PTBP3: variants seen among roughly 807,000 people sequenced by gnomAD.
PTBP3 encodes polypyrimidine tract binding protein 3.
Under a neutral mutation model 58.7 loss-of-function variants are expected in PTBP3, and 20 were observed. That is an observed-to-expected ratio of 0.34 (90% confidence interval 0.24 to 0.50). The LOEUF is 0.50. PTBP3 is among the 20% of genes least tolerant of loss of function. PTBP3 has a pLI of 0.98. For missense variants in PTBP3, 509 were observed against 637.2 expected (o/e 0.80, Z 2.17); for synonymous variants, 185 against 219.8 (o/e 0.84, Z 1.40).
intron 3 of PTBP3, among the ~76,000 whole-genome samples, chr9:112,272,086 T>C (rs912258239): frequency 1.3e-5 from 2 of 152,120 alleles, no homozygotes; most frequent in Admixed American, 1.3e-4. Flanking sequence ...TTTATTTTTT[T>C]TTTGAGACAG....
At chr9:112,363,549 CA>C in the PTBP3 span, among the ~76,000 whole-genome samples, 1 of 125,322 alleles carries the variant, frequency 8.0e-6, no homozygotes. Context: ...CACACACACA[CA>C]CACACACACA....
chr9:112,232,876 C>T (rs1424080775), intron 8 of PTBP3, among the ~76,000 whole-genome samples: 1 of 152,114 alleles, frequency 6.6e-6, no homozygotes, highest in East Asian at 1.9e-4. Flanking sequence ...ATACTTAAAA[C>T]AGCACACTTT....
chr9:112,228,891 C>A (rs1295539949), intron 10 of PTBP3, among the ~76,000 whole-genome samples: 1 of 152,160 alleles, frequency 6.6e-6, no homozygotes, highest in Non-Finnish European at 1.5e-5. Context: ...TATTTGTCCA[C>A]CTCTCCCAAT....
Position 112,287,483 on chromosome 9 carries a change from G to A in PTBP3, c.34+10349C>T, listed in dbSNP as rs543612595. On this transcript the variant is annotated intron_variant, in intron 2 of 13. Coordinates refer to ENST00000374257, the MANE Select transcript of PTBP3 (RefSeq NM_001163788.4). ...AGCCTCCCAAGCAGCTGAGATTACC[G>A]GTGCACACCACCACGCCCGGCTAAT... is the stretch of plus-strand genomic sequence containing the variant. Among the ~76,000 whole-genome samples, 8 of 151,626 alleles carry A rather than the reference G, an allele frequency of 5.3e-5. No homozygotes were observed. In the East Asian group the frequency reaches 7.8e-4, roughly 15 times the overall value.
Position 112,245,372 on chromosome 9 carries a change from G to A in PTBP3, c.802+5557C>T, listed in dbSNP as rs116537957. ...TTTGCAATTCCGAAACCACTTCTGT[G>A]TAATCTAAGATTGAGCAAATAAGTA... On this transcript the variant is annotated intron_variant, in intron 7 of 13. Transcript: ENST00000374257. Among the ~76,000 whole-genome samples the A allele has an allele frequency of 7.8e-3, 1,192 of 152,268 alleles. 21 individuals are homozygous for A. The highest frequency in any genetic ancestry group is 0.027 in the African/African-American group (1,108 of 41,544).
intron 1 of PTBP3, among the ~76,000 whole-genome samples, chr9:112,307,811 G>C (rs190787131): frequency 7.9e-5 from 12 of 152,328 alleles, no homozygotes; most frequent in Admixed American, 7.8e-4. Flanking sequence ...GAGGAAAACA[G>C]AGTTATTAGT....
At chr9:112,241,717 A>G (rs1835667746) in intron 7 of PTBP3, among the ~76,000 whole-genome samples, 1 of 152,228 alleles carries the variant, frequency 6.6e-6, no homozygotes, top group African/African-American at 2.4e-5. Context: ...ACATGACTGT[A>G]TATTTAAAGC....
chr9:112,248,509 TAAAAC>T (rs1350608060), intron 7 of PTBP3, among the ~76,000 whole-genome samples: 1 of 151,896 alleles, frequency 6.6e-6, no homozygotes, highest in Non-Finnish European at 1.5e-5. Flanking sequence ...AATAAATAAA[TAAAAC>T]AAAATGTATG....
chr9:112,277,946 T>TAACATAACATAAC (rs1564427648), intron 2 of PTBP3, among the ~76,000 whole-genome samples: 4 of 58,206 alleles, frequency 6.9e-5, no homozygotes, highest in East Asian at 4.4e-4. Flanking sequence ...CATAACATAA[T>TAACATAACATAAC]ATAACATAAC....
intron 12 of PTBP3, 90 bp downstream of exon 12, chr9:112,227,321 T>C (rs1172003924): frequency 7.2e-7 from 1 of 1,388,274 alleles, no homozygotes; most frequent in Admixed American, 1.7e-5. Context: ...ACTGCTAGGT[T>C]AGAACAATTT....
intron 5 of PTBP3, among the ~76,000 whole-genome samples, chr9:112,253,249 C>A (rs191842800): frequency 1.2e-4 from 19 of 152,248 alleles, no homozygotes; most frequent in African/African-American, 4.6e-4. Context: ...AAAGTCTATG[C>A]CCACATGCAG....
chr9:112,220,002 T>TTAC lies in PTBP3; in HGVS notation c.*3848_*3849insGTA. The TTAC allele has an allele frequency of 1.1e-6, 1 of 874,952 alleles. No individual in the cohort carries two copies. The highest frequency in any genetic ancestry group is 1.5e-6 in the Non-Finnish European group (1 of 683,374). 54.2% of individuals were successfully genotyped at this position (874,952 alleles called of 1,614,324 possible). On this transcript the variant is annotated 3_prime_UTR_variant, in exon 14 of 14. Transcript: ENST00000374257. ...CTAAATTGTATTTCTTTCAGCACAA[T>TTAC]AGTAGAGTATTTTGAGTCTGGCAGT...
At chr9:112,227,277 T>C in intron 12 of PTBP3, 134 bp downstream of exon 12, 1 of 852,610 alleles carries the variant, frequency 1.2e-6, no homozygotes. Flanking sequence ...TGATGGCAAA[T>C]AAATTGTCTT....
intron 3 of PTBP3, 74 bp downstream of exon 3, chr9:112,275,759 CAGAAAAGCTCA>C: frequency 8.0e-7 from 1 of 1,253,236 alleles, no homozygotes; most frequent in Non-Finnish European, 1.1e-6. Context: ...TTTAAAAATA[CAGAAAAGCTCA>C]AGAAAATAAA....
chr9:112,280,489 T>A (rs1827808199), intron 2 of PTBP3, among the ~76,000 whole-genome samples: 1 of 152,348 alleles, frequency 6.6e-6, no homozygotes, highest in Middle Eastern at 3.4e-3. Flanking sequence ...AGCATTATCT[T>A]ACACTATTGA....
chr9:112,279,414 C>T (rs888157776), intron 2 of PTBP3, among the ~76,000 whole-genome samples: 5 of 152,062 alleles, frequency 3.3e-5, no homozygotes, highest in Admixed American at 2.0e-4. Flanking sequence ...TCATAATATT[C>T]CCACCTCAAA....
chr9:112,258,369 G>A (rs1836459794), intron 5 of PTBP3, among the ~76,000 whole-genome samples: 1 of 152,098 alleles, frequency 6.6e-6, no homozygotes, highest in African/African-American at 2.4e-5. Flanking sequence ...CCAGTCCAAT[G>A]GCTTTAATTA....
the PTBP3 span, among the ~76,000 whole-genome samples, chr9:112,350,355 A>AC: frequency 2.0e-5 from 3 of 152,196 alleles, no homozygotes; most frequent in Non-Finnish European, 4.4e-5. Flanking sequence ...TAAGTAAATA[A>AC]GAAAAAAGAT....
rs922568701 is a variant in PTBP3, at chr9:112,231,959, G to A, written c.1020+140C>T. On this transcript the variant is annotated intron_variant, in intron 9 of 13. Transcript: ENST00000374257. ...GAAGAGAAGAGAAGAGAAGAGAAGA[G>A]AAGAGAAGAGAGAAGAGAAGAGAAG... 1,017 of 365,850 alleles carry A rather than the reference G, an allele frequency of 2.8e-3. 10 individuals carry two copies. The highest frequency in any genetic ancestry group is 0.018 in the East Asian group (416 of 22,506). The allele number at this position is 365,850 out of a possible 1,614,324, so 22.7% of individuals were successfully genotyped here.
Sources: gnomAD v4.1 joint callset for allele counts (sites outside exome capture counted in the v4.1 genomes callset) on GRCh38, gnomAD v4.1.1 for gene constraint, MANE v1.5 for transcripts, NCBI Gene and HGNC (gene_info 2026-07-23, HGNC 2026-07-21) for gene names.